Variants in TMEM178A observed in about 807,000 individuals in gnomAD.
The protein encoded by TMEM178A is transmembrane protein 178A, also known as transmembrane protein 178.
TMEM178A carries 12 observed loss-of-function variants against 29.1 expected under a neutral mutation model. The observed-to-expected ratio is 0.41, with a 90% CI of 0.26 to 0.67. The LOEUF is 0.67. Among genes scored for constraint, TMEM178A ranks in the 30% least tolerant of loss-of-function variants. The probability of loss-of-function intolerance (pLI) is 0.29; values close to 1 mark genes in which losing one functional copy is unlikely to be tolerated. For missense variants in TMEM178A, 366 were observed against 419.1 expected (o/e 0.87, Z 1.11); for synonymous variants, 210 against 187.2 (o/e 1.12, Z -0.99).
chr2:39,686,794 C>T (rs1281503474), intron 1 of TMEM178A, among the ~76,000 whole-genome samples: 2 of 152,140 alleles, frequency 1.3e-5, no homozygotes, highest in African/African-American at 4.8e-5. Context: ...GCAGTGAATT[C>T]CCAAATAGCT....
intron 1 of TMEM178A, among the ~76,000 whole-genome samples, chr2:39,695,736 A>T (rs1671512688): frequency 6.6e-6 from 1 of 151,848 alleles, no homozygotes; most frequent in Non-Finnish European, 1.5e-5. Context: ...ATTCAGGGGG[A>T]ACCCAATTGT....
chr2:39,682,877 T>TACCC, intron 1 of TMEM178A, among the ~76,000 whole-genome samples: 1 of 152,208 alleles, frequency 6.6e-6, no homozygotes, highest in African/African-American at 2.4e-5. Context: ...CTGACAGGTG[T>TACCC]GAGCAGATCT....
intron 1 of TMEM178A, among the ~76,000 whole-genome samples, chr2:39,699,797 C>G (rs1019636120): frequency 1.3e-5 from 2 of 152,042 alleles, no homozygotes; most frequent in Non-Finnish European, 1.5e-5. Context: ...ATAAATTTCC[C>G]TCAAAATTAT....
intron 1 of TMEM178A, among the ~76,000 whole-genome samples, chr2:39,697,008 C>T (rs1671572979): frequency 6.6e-6 from 1 of 152,166 alleles, no homozygotes; most frequent in African/African-American, 2.4e-5. Context: ...GAGCCAGATT[C>T]ATTGCTCTCT....
At chr2:39,722,857 G>A (rs770795786), downstream of TMEM178A, among the ~76,000 whole-genome samples, 2 of 152,178 alleles carry the variant, frequency 1.3e-5, no homozygotes, top group Non-Finnish European at 2.9e-5. Flanking sequence ...CCTTGAGTGT[G>A]GGTGTGAGGA....
At chr2:39,711,513 C>T (rs1322639027) in intron 3 of TMEM178A, among the ~76,000 whole-genome samples, 2 of 152,148 alleles carry the variant, frequency 1.3e-5, no homozygotes, top group Non-Finnish European at 2.9e-5. Flanking sequence ...ACTGGAAGAT[C>T]ACACACAGCA....
the TMEM178A span, among the ~76,000 whole-genome samples, chr2:39,725,186 C>A: frequency 6.6e-6 from 1 of 152,100 alleles, no homozygotes; most frequent in African/African-American, 2.4e-5. Flanking sequence ...TAGAGCCATG[C>A]GGGGTGGGAC....
rs114670063 is a variant in TMEM178A at position 39,709,548 on chromosome 2, T to G, written c.652+2362T>G. On this transcript the variant is annotated intron_variant, in intron 3 of 3. Transcript: ENST00000281961. ...CAAGGGATGCATTTAAAATCCAAAT[T>G]ATAGACTAAAGCAGACGCGGGCAGC... Among the ~76,000 whole-genome samples, 679 of 152,154 alleles carry G rather than the reference T, an allele frequency of 4.5e-3. 4 individuals are homozygous for G. The highest frequency in any genetic ancestry group is 0.015 in the African/African-American group (607 of 41,508).
chr2:39,691,014 A>G (rs1264888247), intron 1 of TMEM178A, among the ~76,000 whole-genome samples: 2 of 152,234 alleles, frequency 1.3e-5, no homozygotes, highest in Admixed American at 6.5e-5. Context: ...AAACAGGTCA[A>G]TTGAAGTGAT....
At chr2:39,699,370 C>G (rs902297487) in intron 1 of TMEM178A, among the ~76,000 whole-genome samples, 2 of 151,948 alleles carry the variant, frequency 1.3e-5, no homozygotes, top group Non-Finnish European at 2.9e-5. Flanking sequence ...GTATTTCCAC[C>G]CTAGCTTTGT....
At chr2:39,690,548 G>A (rs193272390) in intron 1 of TMEM178A, among the ~76,000 whole-genome samples, 49 of 152,344 alleles carry the variant, frequency 3.2e-4, no homozygotes, top group African/African-American at 1.2e-3. Context: ...GCCTGCAAGA[G>A]GGAATGAAAG....
chr2:39,730,593 G>A, the TMEM178A span, among the ~76,000 whole-genome samples: 2 of 152,158 alleles, frequency 1.3e-5, no homozygotes, highest in Non-Finnish European at 2.9e-5. Context: ...AGACCCACAG[G>A]CTGGTGGCAG....
At chr2:39,682,008 G>C (rs1466919699) in intron 1 of TMEM178A, among the ~76,000 whole-genome samples, 1 of 152,202 alleles carries the variant, frequency 6.6e-6, no homozygotes, top group African/African-American at 2.4e-5. Context: ...ACATTGGCAA[G>C]TCATTTCAAC....
intron 1 of TMEM178A, among the ~76,000 whole-genome samples, chr2:39,668,402 G>A (rs1034523311): frequency 1.3e-5 from 2 of 152,178 alleles, no homozygotes; most frequent in African/African-American, 2.4e-5. Flanking sequence ...CTAATCTTTT[G>A]TGTAGAACAC....
intron 1 of TMEM178A, among the ~76,000 whole-genome samples, chr2:39,686,320 A>G (rs747143502): frequency 6.6e-6 from 1 of 152,238 alleles, no homozygotes; most frequent in Non-Finnish European, 1.5e-5. Flanking sequence ...ATATCAAACA[A>G]AGGCACAACA....
Position 39,717,104 on chromosome 2 carries a change from T to C in TMEM178A, c.747T>C (p.Asp249=), listed in dbSNP as rs765746260. ...LPKLIYSLPA[D]VEHGYSWSIF... is the part of the protein sequence containing the mutation. ...AGCTAATTTATAGCCTGCCTGCTGA[T>C]GTGGAACATGGTTACAGCTGGTCCA... The change falls in exon 4 of 4, where the codon GAT becomes GAC. Residue 249 remains aspartate (D), a synonymous_variant. Transcript: ENST00000281961. The C allele has an allele frequency of 3.1e-6, 5 of 1,612,614 alleles. No homozygotes were observed. Among genetic ancestry groups the C allele is most frequent in the South Asian group, 1.1e-5 (1 of 90,914 alleles).
intron 1 of TMEM178A, among the ~76,000 whole-genome samples, chr2:39,690,790 G>T (rs1166326321): frequency 6.6e-6 from 1 of 152,202 alleles, no homozygotes; most frequent in Non-Finnish European, 1.5e-5. Context: ...CAAAATAGTT[G>T]TCTTAAAGAA....
At chr2:39,705,930 T>C (rs1258520219) in intron 2 of TMEM178A, among the ~76,000 whole-genome samples, 2 of 152,216 alleles carry the variant, frequency 1.3e-5, no homozygotes, top group East Asian at 3.8e-4. Flanking sequence ...TGGGATGTGT[T>C]GTTTTAAGAA....
downstream of TMEM178A, among the ~76,000 whole-genome samples, chr2:39,720,145 G>A (rs1216897749): frequency 2.6e-5 from 4 of 152,110 alleles, no homozygotes; most frequent in Non-Finnish European, 5.9e-5. Flanking sequence ...CATTGGCTGT[G>A]CATTTCATAC....
Sources: allele counts gnomAD v4.1 joint callset (sites outside exome capture counted in the v4.1 genomes callset), GRCh38; gene constraint gnomAD v4.1.1; transcripts MANE v1.5; gene names NCBI Gene and HGNC (gene_info 2026-07-23, HGNC 2026-07-21).